The following ZBTB3 variants were observed in gnomAD, a reference collection of about 807,000 sequenced individuals.
ZBTB3 encodes the protein zinc finger and BTB domain-containing protein 3.
In ZBTB3, 15 loss-of-function variants were observed where a neutral mutation model predicts 30.6. The observed-to-expected ratio is 0.49, with a 90% CI of 0.33 to 0.75. The LOEUF (loss-of-function observed/expected upper bound fraction) is 0.75, where lower values mean the gene tolerates loss of function less well. ZBTB3 is among the 30% of genes least tolerant of loss of function. The pLI is 0.02. For missense variants in ZBTB3, 599 were observed against 652.1 expected (o/e 0.92, Z 0.89); for synonymous variants, 258 against 261.7 (o/e 0.99, Z 0.14).
In ZBTB3 at chr11:62,752,966, G is replaced by T; in HGVS notation, c.699C>A (p.Tyr233Ter). ...SSSTETIPTN[Y>*]FSSGISAVSL... ...AAACTGCTGAGATGCCAGAAGAGAAGTAGTTTGTAGGAATGGTCTCAGTGG... is the reference window on the plus strand; with the variant it reads ...AAACTGCTGAGATGCCAGAAGAGAATTAGTTTGTAGGAATGGTCTCAGTGG... The change falls in exon 2 of 2, where the codon TAC becomes TAA. Residue 233 changes from tyrosine to a stop codon, truncating the protein, a stop_gained. Transcript: ENST00000394807. LOFTEE classifies it high-confidence loss of function. 6.2e-7 allele frequency: 1 copy of T among 1,614,190 alleles called. No homozygotes were observed. Among genetic ancestry groups the T allele is most frequent in the East Asian group, 2.2e-5 (1 of 44,876 alleles).
At position 62,751,981 on chromosome 11, in the gene ZBTB3, T is replaced by A; in HGVS notation, c.*109A>T. 3 of 1,098,992 alleles carry A rather than the reference T, an allele frequency of 2.7e-6. No individual in the cohort carries two copies. Among genetic ancestry groups the A allele is most frequent in the Non-Finnish European group, 3.8e-6 (3 of 787,322 alleles). The allele number at this position is 1,098,992 out of a possible 1,614,324, so 68.1% of individuals were successfully genotyped here. A position where few individuals can be genotyped will look rare whatever the true frequency, so the allele number is the denominator to read the frequency against. On this transcript the variant is annotated 3_prime_UTR_variant, in exon 2 of 2. Transcript: ENST00000394807. ...AAAAAAAGGGTAGGAACTTTCAGCC[T>A]GGGCAGAGCCTTTATTCTTGTCACC...
Position 62,753,678 on chromosome 11 carries a change from G to A in ZBTB3, c.-14C>T, listed in dbSNP as rs2084038024. On this transcript the variant is annotated 5_prime_UTR_variant, in exon 2 of 2. Coordinates refer to ENST00000394807, the MANE Select transcript of ZBTB3 (RefSeq NM_001370809.1). The stretch of plus-strand genomic sequence containing the variant: ...TGGGAACTCCATAGTACCCCACGAA[G>A]GAAAGGGGGCCCAAAAAAGGTCCCC... 2 of 1,606,554 alleles carry A rather than the reference G, an allele frequency of 1.2e-6. No individual in the cohort carries two copies. Among genetic ancestry groups the A allele is most frequent in the Non-Finnish European group, 1.7e-6 (2 of 1,176,288 alleles).
intron 1 of ZBTB3, 32 bp downstream of exon 1, chr11:62,753,932 C>T: frequency 6.2e-7 from 1 of 1,612,624 alleles, no homozygotes; most frequent in Admixed American, 1.7e-5. Flanking sequence ...AAGTCCCGCC[C>T]CTTAGCCACC....
chr11:62,752,608 C>T lies in ZBTB3; in HGVS notation c.1057G>A (p.Ala353Thr). 1 of 1,614,220 alleles carries T rather than the reference C, an allele frequency of 6.2e-7. No homozygotes were observed. Among genetic ancestry groups the T allele is most frequent in the Non-Finnish European group, 8.5e-7 (1 of 1,180,048 alleles). Residue 353 changes from alanine (A) to threonine (T), a missense_variant, in exon 2 of 2, where the codon GCA (alanine) becomes ACA (threonine). Ala to Thr is a moderately conservative substitution (Grantham distance 58, BLOSUM62 0). Transcript: ENST00000394807. ...QPEAFEDPGAAGLEEVGPSDH... is the reference protein window; with the variant it reads ...QPEAFEDPGATGLEEVGPSDH... Reference sequence around the variant, plus strand: ...CTTGGCCCCACCTCCTCCAGTCCTGCTGCCCCTGGGTCTTCAAAAGCCTCT... The same window carrying T: ...CTTGGCCCCACCTCCTCCAGTCCTGTTGCCCCTGGGTCTTCAAAAGCCTCT...
At position 62,751,532 on chromosome 11, in the gene ZBTB3, A is replaced by ATAAAAGATT. The variant is rs1450932549; in HGVS notation, c.*557_*558insAATCTTTTA. The ATAAAAGATT allele has an allele frequency of 2.7e-5, 4 of 150,212 alleles. No homozygotes were observed. Among genetic ancestry groups the ATAAAAGATT allele is most frequent in the South Asian group, 2.1e-4 (1 of 4,756 alleles). The allele number at this position is 150,212 out of a possible 1,614,324, so 9.3% of individuals were successfully genotyped here. On this transcript the variant is annotated 3_prime_UTR_variant, in exon 2 of 2. Transcript: ENST00000394807. ...CAGAGTGAGACTCTGTCTCAAAAAA[A>ATAAAAGATT]AAAAAAAAAAAAGGAATCGCTTGAA... is the stretch of plus-strand genomic sequence containing the variant.
Position 62,754,098 on chromosome 11 carries a change from G to A in ZBTB3, c.-186C>T. On this transcript the variant is annotated 5_prime_UTR_variant, in exon 1 of 2. Coordinates refer to ENST00000394807, the MANE Select transcript of ZBTB3 (RefSeq NM_001370809.1). ...CATTCCAGGGGCTAAGGACTACCAGGGTGGGAACTAGCGGAGAAAGCTGAT... is the reference window on the plus strand; with the variant it reads ...CATTCCAGGGGCTAAGGACTACCAGAGTGGGAACTAGCGGAGAAAGCTGAT... 6.2e-7 allele frequency: 1 copy of A among 1,604,982 alleles called. No homozygotes were observed. Among genetic ancestry groups the A allele is most frequent in the Admixed American group, 1.7e-5 (1 of 59,960 alleles).
At position 62,753,560 on chromosome 11, in the gene ZBTB3, G is replaced by A. The variant is rs776606054; in HGVS notation, c.105C>T (p.Phe35=). The change falls in exon 2 of 2, where the codon TTC becomes TTT. Residue 35 remains phenylalanine (F), a synonymous_variant. Transcript: ENST00000394807. The part of the protein sequence containing the change: ...DCTVMVGSTQ[F]LAHRAVLASC... Reference sequence around the variant, plus strand: ...AGGCCAGCACAGCCCGATGGGCCAAGAACTGGGTACTACCCACCATCACGG... The same window carrying A: ...AGGCCAGCACAGCCCGATGGGCCAAAAACTGGGTACTACCCACCATCACGG... The A allele has an allele frequency of 2.5e-6, 4 of 1,614,132 alleles. No homozygotes were observed. The Admixed American group carries it at 6.7e-5, about 27-fold the overall frequency.
Position 62,753,514 on chromosome 11 carries a change from G to A in ZBTB3, c.151C>T (p.Leu51Phe), listed in dbSNP as rs1199770292. The stretch of plus-strand genomic sequence containing the variant: ...TCCAATTCCCGCTCCTTGTAGAAAA[G>A]CTGGAAGAATGGGCTGCAGGAGGCC... ...VLASCSPFFQ[L>F]FYKERELDKR... The change falls in exon 2 of 2, where the codon CTT becomes TTT. Residue 51 changes from leucine to phenylalanine, a missense_variant. Physicochemically the swap from Leu to Phe is conservative, Grantham distance 22. Transcript: ENST00000394807. The A allele has an allele frequency of 1.9e-6, 3 of 1,614,192 alleles. No homozygotes were observed. Among genetic ancestry groups the A allele is most frequent in the Non-Finnish European group, 2.5e-6 (3 of 1,180,034 alleles).
Position 62,751,989 on chromosome 11 carries a change from G to T in ZBTB3, c.*101C>A. ...GGTAGGAACTTTCAGCCTGGGCAGA[G>T]CCTTTATTCTTGTCACCCAGCAGGG... On this transcript the variant is annotated 3_prime_UTR_variant, in exon 2 of 2. Transcript: ENST00000394807. 8.4e-7 allele frequency: 1 copy of T among 1,189,516 alleles called. No homozygotes were observed. 73.7% of individuals were successfully genotyped at this position (1,189,516 alleles called of 1,614,324 possible).
Position 62,752,955 on chromosome 11 carries a change from C to A in ZBTB3, c.710G>T (p.Gly237Val), listed in dbSNP as rs763897027. ...TGGCTCCAATGAAACTGCTGAGATG[C>A]CAGAAGAGAAGTAGTTTGTAGGAAT... ...ETIPTNYFSS[G>V]ISAVSLEPLP... Residue 237 changes from glycine (G) to valine (V), a missense_variant, in exon 2 of 2, where the codon GGC becomes GTC. Gly to Val is a moderately radical substitution (Grantham distance 109). Transcript: ENST00000394807. The A allele has an allele frequency of 2.5e-6, 4 of 1,614,070 alleles. No homozygotes were observed. The Admixed American group carries it at 6.7e-5, about 27-fold the overall frequency.
chr11:62,754,153 C>T lies in ZBTB3; in HGVS notation c.-241G>A, dbSNP rs2134847103. The T allele has an allele frequency of 1.6e-5, 20 of 1,271,352 alleles. No individual in the cohort carries two copies. The South Asian group carries it at 2.0e-4, about 13-fold the overall frequency. 78.8% of individuals were successfully genotyped at this position (1,271,352 alleles called of 1,614,324 possible). On this transcript the variant is annotated 5_prime_UTR_variant, in exon 1 of 2. Coordinates refer to ENST00000394807, the MANE Select transcript of ZBTB3 (RefSeq NM_001370809.1). ...CACCCACCACCGAGCAGCCACAGGG[C>T]GAGCTCCGCCCCTTCCCACCTTCTC...
Position 62,751,912 on chromosome 11 carries a change from G to A in ZBTB3, c.*178C>T, listed in dbSNP as rs1377253234. 1 of 580,592 alleles carries A rather than the reference G, an allele frequency of 1.7e-6. No individual in the cohort carries two copies. Among genetic ancestry groups the A allele is most frequent in the Non-Finnish European group, 2.8e-6 (1 of 353,048 alleles). The allele number at this position is 580,592 out of a possible 1,614,324, so 36.0% of individuals were successfully genotyped here. A position where few individuals can be genotyped will look rare whatever the true frequency, so the allele number is the denominator to read the frequency against. ...ATCGCGCCACTGCACTCCAGTCTGGGTGACAGAGTGAGACTCTGTCTCAAA... is the reference window on the plus strand; with the variant it reads ...ATCGCGCCACTGCACTCCAGTCTGGATGACAGAGTGAGACTCTGTCTCAAA... On this transcript the variant is annotated 3_prime_UTR_variant, in exon 2 of 2. Coordinates refer to ENST00000394807, the MANE Select transcript of ZBTB3 (RefSeq NM_001370809.1).
Position 62,752,303 on chromosome 11 carries a change from G to A in ZBTB3, c.1362C>T (p.Tyr454=), listed in dbSNP as rs377658875. The change falls in exon 2 of 2, where the codon TAC becomes TAT. Residue 454 remains tyrosine, a synonymous_variant. Transcript: ENST00000394807. Reference sequence around the variant, plus strand: ...CTGACTGCGTGTAGCTCCGCAGGCAGTAGCGGCACTCATAGGGTCGCTCAC... The same window carrying A: ...CTGACTGCGTGTAGCTCCGCAGGCAATAGCGGCACTCATAGGGTCGCTCAC... The part of the protein sequence containing the change: ...HTRERPYECR[Y]CLRSYTQSGD... The A allele has an allele frequency of 8.5e-5, 137 of 1,614,068 alleles. No homozygotes were observed. Among genetic ancestry groups the A allele is most frequent in the Non-Finnish European group, 1.1e-4 (132 of 1,180,042 alleles).
chr11:62,753,683 G>C lies in ZBTB3; in HGVS notation c.-19C>G. 8 of 1,604,176 alleles carry C rather than the reference G, an allele frequency of 5.0e-6. No individual in the cohort carries two copies. Among genetic ancestry groups the C allele is most frequent in the Non-Finnish European group, 6.8e-6 (8 of 1,175,538 alleles). On this transcript the variant is annotated 5_prime_UTR_variant, in exon 2 of 2. Transcript: ENST00000394807. ...ACTCCATAGTACCCCACGAAGGAAA[G>C]GGGGCCCAAAAAAGGTCCCCACCAG...
At position 62,752,820 on chromosome 11, in the gene ZBTB3, G is replaced by C; in HGVS notation, c.845C>G (p.Pro282Arg). 1 of 1,614,124 alleles carries C rather than the reference G, an allele frequency of 6.2e-7. No individual in the cohort carries two copies. The highest frequency in any genetic ancestry group is 1.1e-5 in the South Asian group (1 of 91,084). Reference sequence around the variant, plus strand: ...TGGAACTGGAGCTGAGACAGGGGCTGGGGCTGACGTTGGGGCTGAGGCTGG... The same window carrying C: ...TGGAACTGGAGCTGAGACAGGGGCTCGGGCTGACGTTGGGGCTGAGGCTGG... ...YPPASAPTSAPAPVSAPVPSQ... is the reference protein window; with the variant it reads ...YPPASAPTSARAPVSAPVPSQ... The change falls in exon 2 of 2, where the codon CCA becomes CGA. Residue 282 changes from proline (P) to arginine (R), a missense_variant. Pro to Arg is a moderately radical substitution (Grantham distance 103, BLOSUM62 -2). Transcript: ENST00000394807.
chr11:62,752,810 G>C lies in ZBTB3; in HGVS notation c.855C>G (p.Val285=), dbSNP rs765164533. The C allele has an allele frequency of 5.0e-6, 8 of 1,614,146 alleles. No homozygotes were observed. Among genetic ancestry groups the C allele is most frequent in the Non-Finnish European group, 6.8e-6 (8 of 1,180,024 alleles). Residue 285 remains valine, a synonymous_variant, in exon 2 of 2, where the codon GTC becomes GTG. Coordinates refer to ENST00000394807, the MANE Select transcript of ZBTB3 (RefSeq NM_001370809.1). ...ASAPTSAPAP[V]SAPVPSQAPA... is the part of the protein sequence containing the mutation. ...GAGCCTGGGATGGAACTGGAGCTGA[G>C]ACAGGGGCTGGGGCTGACGTTGGGG... is the stretch of plus-strand genomic sequence containing the variant.
Position 62,754,050 on chromosome 11 carries a change from ACTCCCTAAGCAT to A in ZBTB3, c.-150_-139del. On this transcript the variant is annotated 5_prime_UTR_variant, in exon 1 of 2. It removes an upstream start codon present in the reference 5' UTR. Transcript: ENST00000394807. Reference sequence around the variant, plus strand: ...GATGCCTCTACGCCCCACTTCGAGAACTCCCTAAGCATCTCCCTCACGCATTCCAGGGGCTAA... The same window carrying A: ...GATGCCTCTACGCCCCACTTCGAGAACTCCCTCACGCATTCCAGGGGCTAA... 1 of 1,613,694 alleles carries A rather than the reference ACTCCCTAAGCAT, an allele frequency of 6.2e-7. No individual in the cohort carries two copies. The highest frequency in any genetic ancestry group is 8.5e-7 in the Non-Finnish European group (1 of 1,179,948).
chr11:62,752,244 T>A lies in ZBTB3; in HGVS notation c.1421A>T (p.Asn474Ile), dbSNP rs200004303. Residue 474 changes from asparagine (N) to isoleucine (I), a missense_variant, in exon 2 of 2, where the codon AAT (asparagine) becomes ATT (isoleucine). By Grantham distance (149) the Asn-to-Ile change is moderately radical. Transcript: ENST00000394807. ...TTTGCTGCGTTTGGCCAGGTCCTCA[T>A]TGTGAGCCTTGCGGATGTGGCGGTA... ...DLYRHIRKAH[N>I]EDLAKRSKPD... 1 of 1,614,176 alleles carries A rather than the reference T, an allele frequency of 6.2e-7. No homozygotes were observed. Among genetic ancestry groups the A allele is most frequent in the East Asian group, 2.2e-5 (1 of 44,872 alleles).
At chr11:62,753,934 T>TTAGCCACCCTCCGCTTCCTTGA in intron 1 of ZBTB3, 30 bp downstream of exon 1, 1 of 1,418,124 alleles carries the variant, frequency 7.1e-7, no homozygotes, top group Non-Finnish European at 9.5e-7. Flanking sequence ...GTCCCGCCCC[T>TTAGCCACCCTCCGCTTCCTTGA]TAGCCACCCT....
Sources: allele counts gnomAD v4.1 joint callset, GRCh38; gene constraint gnomAD v4.1.1; transcripts MANE v1.5; gene names NCBI Gene and HGNC (gene_info 2026-07-23, HGNC 2026-07-21).